Variants in PPP1R21 observed in about 807,000 individuals in gnomAD.
The protein encoded by PPP1R21 is KLRAQ motif containing 1.
A neutral mutation model predicts 112.8 loss-of-function variants in PPP1R21; 85 were observed. The observed-to-expected ratio is 0.75, with a 90% CI of 0.63 to 0.90. The LOEUF is 0.90. Among genes scored for constraint, PPP1R21 ranks in the 40% least tolerant of loss-of-function variants. PPP1R21 has a pLI of 0.00. For missense variants in PPP1R21, 1,199 were observed against 901.5 expected (o/e 1.33, Z -4.23); for synonymous variants, 381 against 322.3 (o/e 1.18, Z -1.95).
At chr2:48,468,699 C>G (rs1668314688) in intron 9 of PPP1R21, among the ~76,000 whole-genome samples, 1 of 151,854 alleles carries the variant, frequency 6.6e-6, no homozygotes, top group Non-Finnish European at 1.5e-5. Context: ...CCTGTAGTCC[C>G]AGCTACTTGG....
intron 12 of PPP1R21, 119 bp downstream of exon 12, chr2:48,474,938 C>G (rs1308279185): frequency 2.4e-6 from 2 of 847,654 alleles, no homozygotes; most frequent in South Asian, 3.8e-5. Flanking sequence ...ATCAGGAAAA[C>G]TTGAATTCAA....
intron 3 of PPP1R21, among the ~76,000 whole-genome samples, chr2:48,456,662 A>T (rs111229700): frequency 1.3e-5 from 2 of 152,220 alleles, no homozygotes; most frequent in Non-Finnish European, 2.9e-5. Flanking sequence ...ATTTCCCCAC[A>T]TAGAAGCATT....
rs539745597 is a variant in PPP1R21, at chr2:48,447,751, C to G, written c.58-3257C>G. Reference sequence around the variant, plus strand: ...ATCACTTGAGGTCAGGAGTTCAAGACCAGCCTGGTCAACATGGTGAAGCCC... The same window carrying G: ...ATCACTTGAGGTCAGGAGTTCAAGAGCAGCCTGGTCAACATGGTGAAGCCC... On this transcript the variant is annotated intron_variant, in intron 1 of 21. Transcript: ENST00000294952. 1.5e-4 allele frequency among the ~76,000 whole-genome samples: 23 copies of G among 152,184 alleles called. No homozygotes were observed. In the South Asian group the frequency reaches 4.6e-3, roughly 30 times the overall value.
At chr2:48,486,907 C>A (rs560934680) in intron 14 of PPP1R21, 149 bp downstream of exon 14, 227 of 778,376 alleles carry the variant, frequency 2.9e-4, no homozygotes, top group Non-Finnish European at 4.0e-4. Flanking sequence ...TGCTTCCTAC[C>A]CAGTATGTAC....
At chr2:48,467,757 A>G (rs959186399) in intron 9 of PPP1R21, among the ~76,000 whole-genome samples, 1 of 152,240 alleles carries the variant, frequency 6.6e-6, no homozygotes. Flanking sequence ...GACCAGACCA[A>G]CCTTGAAACA....
chr2:48,441,126 C>A, intron 1 of PPP1R21, 116 bp downstream of exon 1: 2 of 731,278 alleles, frequency 2.7e-6, no homozygotes, highest in Non-Finnish European at 4.9e-6. Flanking sequence ...CGCGCCCCAC[C>A]TTTCCCCTCA....
intron 6 of PPP1R21, among the ~76,000 whole-genome samples, chr2:48,460,375 C>T (rs1300798638): frequency 6.6e-6 from 1 of 152,156 alleles, no homozygotes; most frequent in Non-Finnish European, 1.5e-5. Context: ...GGGGCTGTGG[C>T]AGATCGTGTT....
intron 12 of PPP1R21, among the ~76,000 whole-genome samples, chr2:48,477,116 ATTTTTT>A (rs779139882): frequency 8.7e-6 from 1 of 114,768 alleles, no homozygotes; most frequent in Non-Finnish European, 1.8e-5. Context: ...TTTTGAATTA[ATTTTTT>A]TTTTTTTTTT....
intron 17 of PPP1R21, among the ~76,000 whole-genome samples, chr2:48,502,887 A>G (rs55787608): frequency 0.03 from 4,572 of 151,964 alleles, 103 homozygotes; most frequent in Non-Finnish European, 0.05. Flanking sequence ...TCACTTTGTT[A>G]GCCAGGATGG....
intron 16 of PPP1R21, among the ~76,000 whole-genome samples, chr2:48,497,027 C>T (rs181764480): frequency 4.1e-4 from 62 of 152,288 alleles, no homozygotes; most frequent in African/African-American, 1.5e-3. Flanking sequence ...TGAGGCACTC[C>T]AACAAATTAA....
Position 48,471,351 on chromosome 2 carries a change from C to A in PPP1R21, c.1072C>A (p.Pro358Thr). 1 of 1,608,810 alleles carries A rather than the reference C, an allele frequency of 6.2e-7. No homozygotes were observed. Among genetic ancestry groups the A allele is most frequent in the Non-Finnish European group, 8.5e-7 (1 of 1,178,458 alleles). ...SYICFLRKIL[P>T]YQLKSLEEEC... ...CATATGTTTTCTTAGGAAGATTCTT[C>A]CCTATCAGTTAAAAAGGTAGTTACC... Residue 358 changes from proline to threonine, a missense_variant, in exon 11 of 22, where the codon CCC (proline) becomes ACC (threonine). Pro to Thr is a conservative substitution (Grantham distance 38). Transcript: ENST00000294952.
chr2:48,482,644 TG>T (rs1314547267), intron 13 of PPP1R21, among the ~76,000 whole-genome samples: 16 of 136,974 alleles, frequency 1.2e-4, no homozygotes, highest in African/African-American at 3.4e-4. Context: ...ATAAAGACAC[TG>T]TTTTTTTTTT....
chr2:48,456,209 A>T (rs1028027833), intron 3 of PPP1R21, among the ~76,000 whole-genome samples: 2 of 150,354 alleles, frequency 1.3e-5, no homozygotes, highest in Non-Finnish European at 1.5e-5. Context: ...TCTAAGGTGG[A>T]TAATCTGGTA....
intron 2 of PPP1R21, among the ~76,000 whole-genome samples, chr2:48,452,652 G>A (rs1667529844): frequency 1.3e-5 from 2 of 151,924 alleles, no homozygotes; most frequent in South Asian, 4.2e-4. Flanking sequence ...TGGATTTCCT[G>A]TGTTACAGGA....
At chr2:48,469,531 T>G (rs62138860) in intron 9 of PPP1R21, among the ~76,000 whole-genome samples, 47,948 of 64,894 alleles carry the variant, frequency 0.74, 19,604 homozygotes, top group Middle Eastern at 0.88. Flanking sequence ...TATATATATA[T>G]ATATAGAGCA....
At chr2:48,496,068 C>T (rs1313312993) in intron 16 of PPP1R21, among the ~76,000 whole-genome samples, 1 of 152,008 alleles carries the variant, frequency 6.6e-6, no homozygotes, top group Non-Finnish European at 1.5e-5. Flanking sequence ...TCTGAAATAC[C>T]AAAGTATAAG....
At chr2:48,448,582 GAAATAAAATCTAACGTCTTTAGATTTATA>G (rs142178600) in intron 1 of PPP1R21, among the ~76,000 whole-genome samples, 92,699 of 151,536 alleles carry the variant, frequency 0.61, 28,831 homozygotes, top group Middle Eastern at 0.82. Flanking sequence ...GCAGGGGTAT[GAAATAAAATCTAACGTCTTTAGATTTATA>G]AAATAAAATC....
At chr2:48,471,066 A>G (rs1436595822) in intron 9 of PPP1R21, 21 bp from the exon 10 acceptor site, 2 of 1,483,412 alleles carry the variant, frequency 1.3e-6, no homozygotes, top group African/African-American at 1.4e-5. Flanking sequence ...TTTAATTCAC[A>G]ATACTTTCCC....
At chr2:48,478,134 G>A (rs1277689210) in intron 12 of PPP1R21, among the ~76,000 whole-genome samples, 1 of 152,204 alleles carries the variant, frequency 6.6e-6, no homozygotes, top group African/African-American at 2.4e-5. Context: ...AGGCAAGAAA[G>A]AATTCTCCCT....
Sources: gnomAD v4.1 joint callset for allele counts (sites outside exome capture counted in the v4.1 genomes callset) on GRCh38, gnomAD v4.1.1 for gene constraint, MANE v1.5 for transcripts, NCBI Gene and HGNC (gene_info 2026-07-23, HGNC 2026-07-21) for gene names.